FAT3: variants seen among roughly 807,000 people sequenced by gnomAD.
The protein encoded by FAT3 is FAT atypical cadherin 3.
A neutral mutation model predicts 310.2 loss-of-function variants in FAT3; 95 were observed. The ratio of observed to expected loss-of-function variants is 0.31; its 90% CI spans 0.26 to 0.36. The LOEUF (loss-of-function observed/expected upper bound fraction) is 0.36, where lower values mean the gene tolerates loss of function less well. Ranked by LOEUF, FAT3 falls within the 10% of genes least tolerant of loss-of-function variation. FAT3 has a pLI of 1.00. For missense variants in FAT3, 5,408 were observed against 5,715.6 expected, an observed-to-expected ratio of 0.95 and a Z score of 1.74; for synonymous variants, 2,314 against 2,192.9, an observed-to-expected ratio of 1.06 and a Z score of -1.54.
chr11:92,856,982 C>A (rs536854695), intron 19 of FAT3, among the ~76,000 whole-genome samples: 11 of 152,262 alleles, frequency 7.2e-5, no homozygotes, highest in Admixed American at 5.9e-4. Context: ...TAATCTGCAC[C>A]AGTCTGGCAG....
chr11:92,837,373 G>A (rs76327494), intron 16 of FAT3, among the ~76,000 whole-genome samples: 2,268 of 152,304 alleles, frequency 0.015, 24 homozygotes, highest in Middle Eastern at 0.037. Context: ...GTTTGGCAAC[G>A]TTTGGAGACA....
chr11:92,705,806 T>G (rs1401820660), intron 4 of FAT3, among the ~76,000 whole-genome samples: 126 of 4,744 alleles, frequency 0.027, 1 homozygote, highest in South Asian at 0.062. Flanking sequence ...GGTGTTGGTG[T>G]TGGTGGTGGT....
chr11:92,342,558 G>C (rs1428836998), intron 1 of FAT3, among the ~76,000 whole-genome samples: 1 of 152,154 alleles, frequency 6.6e-6, no homozygotes, highest in Non-Finnish European at 1.5e-5. Flanking sequence ...TCAGACTGTA[G>C]CAATCAGAGG....
chr11:92,310,782 C>T (rs1208098420), intron 1 of FAT3, among the ~76,000 whole-genome samples: 1 of 151,896 alleles, frequency 6.6e-6, no homozygotes, highest in Non-Finnish European at 1.5e-5. Context: ...ATTTATTTGA[C>T]ATGCTAAGCA....
chr11:92,548,261 T>A (rs1243922320), intron 3 of FAT3, among the ~76,000 whole-genome samples: 1 of 152,172 alleles, frequency 6.6e-6, no homozygotes, highest in Non-Finnish European at 1.5e-5. Flanking sequence ...GAAGTGGATT[T>A]TATACTGTCG....
At chr11:92,603,116 T>G (rs1390087573) in intron 3 of FAT3, among the ~76,000 whole-genome samples, 3 of 152,216 alleles carry the variant, frequency 2.0e-5, no homozygotes, top group African/African-American at 7.2e-5. Flanking sequence ...TGGTGATGGC[T>G]TATGTTTTCT....
chr11:92,463,947 G>A (rs1197095911), intron 2 of FAT3, among the ~76,000 whole-genome samples: 4 of 152,132 alleles, frequency 2.6e-5, no homozygotes, highest in Non-Finnish European at 2.9e-5. Flanking sequence ...ATGAAACCAC[G>A]TGAATGTGGT....
intron 4 of FAT3, among the ~76,000 whole-genome samples, chr11:92,711,403 T>C (rs1301613059): frequency 1.3e-5 from 2 of 152,168 alleles, no homozygotes; most frequent in African/African-American, 4.8e-5. Flanking sequence ...TCTAGAATAT[T>C]GCATGAATAT....
intron 2 of FAT3, among the ~76,000 whole-genome samples, chr11:92,362,324 A>C (rs1374260335): frequency 6.6e-6 from 1 of 152,228 alleles, no homozygotes; most frequent in Non-Finnish European, 1.5e-5. Context: ...TTATTCCAAT[A>C]ATAAATAAGT....
In FAT3 at chr11:92,800,416, A is replaced by G. The variant is rs544703611; in HGVS notation, c.7403A>G (p.Asn2468Ser). The change falls in exon 10 of 28, where the codon AAT becomes AGT. Residue 2468 changes from asparagine (N) to serine (S), a missense_variant. Physicochemically the swap from Asn to Ser is conservative, Grantham distance 46. Transcript: ENST00000525166. Reference sequence around the variant, plus strand: ...CGGATGGAGCCTCTGTACAGTCTCAATGTGTCTGTCTCTGATGGGTTGTTC... The same window carrying G: ...CGGATGGAGCCTCTGTACAGTCTCAGTGTGTCTGTCTCTGATGGGTTGTTC... ...KQRMEPLYSLNVSVSDGLFTS... is the reference protein window; with the variant it reads ...KQRMEPLYSLSVSVSDGLFTS... 6.8e-6 allele frequency: 11 copies of G among 1,613,980 alleles called. No individual in the cohort carries two copies. In the East Asian group the frequency reaches 1.8e-4, roughly 26 times the overall value.
intron 2 of FAT3, among the ~76,000 whole-genome samples, chr11:92,489,244 A>C (rs564924433): frequency 6.6e-6 from 1 of 152,268 alleles, no homozygotes; most frequent in East Asian, 1.9e-4. Context: ...TAGCCCTAGC[A>C]CTTAGGGCAG....
Position 92,800,001 on chromosome 11 carries a change from A to T in FAT3, c.6988A>T (p.Thr2330Ser), listed in dbSNP as rs757285216. The T allele has an allele frequency of 1.9e-6, 3 of 1,613,792 alleles. No homozygotes were observed. The highest frequency in any genetic ancestry group is 1.3e-5 in the African/African-American group (1 of 74,924). ...KMVHYQIVQDTYNSTDYFHID... is the reference protein window; with the variant it reads ...KMVHYQIVQDSYNSTDYFHID... ...GGTACATTATCAGATTGTCCAGGAT[A>T]CCTACAATAGCACAGATTATTTTCA... The change falls in exon 10 of 28, where the codon ACC becomes TCC. Residue 2330 changes from threonine to serine, a missense_variant. Physicochemically the swap from Thr to Ser is moderately conservative, Grantham distance 58 (BLOSUM62 1). Around this residue, in one of 5 missense-constraint regions of FAT3, gnomAD observed 4,588 missense variants for 4,809.8 expected, o/e 0.95. Coordinates refer to ENST00000525166, the MANE Select transcript of FAT3 (RefSeq NM_001367949.2).
intron 1 of FAT3, among the ~76,000 whole-genome samples, chr11:92,338,741 A>T (rs1394610141): frequency 1.3e-5 from 2 of 152,202 alleles, no homozygotes; most frequent in Non-Finnish European, 2.9e-5. Flanking sequence ...AGAGAACATT[A>T]GTCCTTGGGA....
chr11:92,295,856 G>A (rs1044162731), intron 1 of FAT3, among the ~76,000 whole-genome samples: 1 of 152,020 alleles, frequency 6.6e-6, no homozygotes. Flanking sequence ...AAAAGCCCAG[G>A]ACTCACCCTA....
At position 92,735,077 on chromosome 11, in the gene FAT3, T is replaced by A. The variant is rs143493648; in HGVS notation, c.3670-26779T>A. 5.1e-4 allele frequency among the ~76,000 whole-genome samples: 77 copies of A among 152,218 alleles called. 2 individuals carry two copies. In the East Asian group the frequency reaches 0.014, roughly 28 times the overall value. ...CAGGCAAAGAGGATTCTAGAACACC[T>A]CCCTGCAGGAACTCCCGGTAAAGTT... On this transcript the variant is annotated intron_variant, in intron 4 of 27. Coordinates refer to ENST00000525166, the MANE Select transcript of FAT3 (RefSeq NM_001367949.2).
intron 10 of FAT3, among the ~76,000 whole-genome samples, chr11:92,803,867 T>C (rs545589990): frequency 6.6e-6 from 1 of 152,336 alleles, no homozygotes; most frequent in South Asian, 2.1e-4. Flanking sequence ...ACTGTCTGGC[T>C]GATTTGGTTT....
chr11:92,244,509 T>A lies in FAT3; in HGVS notation c.-18+19335T>A, dbSNP rs542761934. 5.8e-4 allele frequency among the ~76,000 whole-genome samples: 88 copies of A among 152,102 alleles called. 1 individual carries two copies. Among genetic ancestry groups the A allele is most frequent in the Non-Finnish European group, 1.2e-3 (80 of 68,000 alleles). On this transcript the variant is annotated intron_variant, in intron 1 of 27. Transcript: ENST00000525166. ...GCTTGCAGGTAGAAATATCTGGTAG[T>A]TGGAAATACTAATTTACAGCAAGCA...
intron 2 of FAT3, among the ~76,000 whole-genome samples, chr11:92,442,658 TTCA>T (rs1399614989): frequency 6.6e-6 from 1 of 152,094 alleles, no homozygotes; most frequent in Non-Finnish European, 1.5e-5. Context: ...CAGGTCCGGC[TTCA>T]TCACTCTGTT....
At chr11:92,584,967 T>C (rs531151945) in intron 3 of FAT3, among the ~76,000 whole-genome samples, 2 of 152,148 alleles carry the variant, frequency 1.3e-5, no homozygotes, top group Admixed American at 6.6e-5. Flanking sequence ...AGATTTGTAA[T>C]ATAAAATGAT....
Sources: allele counts gnomAD v4.1 joint callset (sites outside exome capture counted in the v4.1 genomes callset), GRCh38; gene constraint gnomAD v4.1.1; regional missense constraint gnomAD v4.1.1; transcripts MANE v1.5; gene names NCBI Gene and HGNC (gene_info 2026-07-23, HGNC 2026-07-21).